WWOX: variants seen among roughly 807,000 people sequenced by gnomAD.
WWOX encodes WW domain containing oxidoreductase, also known as WW domain-containing oxidoreductase.
In WWOX, 69 loss-of-function variants were observed where a neutral mutation model predicts 46.2. The observed-to-expected ratio is 1.49, with a 90% confidence interval of 1.23 to 1.82. The LOEUF is 1.82. Ranked by LOEUF, WWOX falls within the 40% of genes most tolerant of loss-of-function variation. The pLI, the probability that WWOX is intolerant of heterozygous loss-of-function variation, is 0.00. For synonymous variants in WWOX, 359 were observed against 202.6 expected, an observed-to-expected ratio of 1.77 and a Z score of -6.56; for missense variants, 919 against 542.6, an observed-to-expected ratio of 1.69 and a Z score of -6.89.
chr16:79,170,153 C>A (rs2050672500), intron 8 of WWOX, among the ~76,000 whole-genome samples: 1 of 152,164 alleles, frequency 6.6e-6, no homozygotes, highest in Non-Finnish European at 1.5e-5. Context: ...TTCAATAACC[C>A]AGTCTAACCA....
At chr16:78,628,397 C>G (rs1465932404) in intron 8 of WWOX, among the ~76,000 whole-genome samples, 2 of 152,130 alleles carry the variant, frequency 1.3e-5, no homozygotes, top group African/African-American at 4.8e-5. Context: ...TTCTGATTTA[C>G]TAGGTCTGGG....
chr16:78,919,519 GTTTTGT>G (rs2045328504), intron 8 of WWOX, among the ~76,000 whole-genome samples: 2 of 67,250 alleles, frequency 3.0e-5, no homozygotes, highest in Non-Finnish European at 2.9e-5. Flanking sequence ...TTATCTTTTT[GTTTTGT>G]TTTTTTTTTT....
chr16:78,666,382 C>G (rs762319235), intron 8 of WWOX, among the ~76,000 whole-genome samples: 23 of 152,128 alleles, frequency 1.5e-4, no homozygotes, highest in Non-Finnish European at 3.4e-4. Flanking sequence ...ATCGGCATGC[C>G]TAGAGGGATC....
At chr16:78,698,326 T>C (rs1255644533) in intron 8 of WWOX, among the ~76,000 whole-genome samples, 6 of 152,182 alleles carry the variant, frequency 3.9e-5, no homozygotes, top group African/African-American at 1.4e-4. Flanking sequence ...AGATGAGAGA[T>C]ACAGATGGTT....
intron 5 of WWOX, among the ~76,000 whole-genome samples, chr16:78,336,262 C>G (rs2080885157): frequency 6.8e-6 from 1 of 147,396 alleles, no homozygotes; most frequent in Non-Finnish European, 1.5e-5. Context: ...CACCTGAAGT[C>G]AAGAATTCAA....
chr16:78,946,370 T>C (rs1275879741), intron 8 of WWOX, among the ~76,000 whole-genome samples: 6 of 152,100 alleles, frequency 3.9e-5, no homozygotes, highest in Non-Finnish European at 1.5e-5. Context: ...TTTGTATTTT[T>C]AGTAGAGACG....
intron 8 of WWOX, among the ~76,000 whole-genome samples, chr16:78,532,218 G>C (rs1207755220): frequency 6.6e-6 from 1 of 151,958 alleles, no homozygotes; most frequent in Non-Finnish European, 1.5e-5. Flanking sequence ...TTTTAATATT[G>C]GTATCACTTT....
intron 8 of WWOX, among the ~76,000 whole-genome samples, chr16:78,945,821 T>C (rs1035064420): frequency 6.6e-6 from 1 of 152,190 alleles, no homozygotes; most frequent in African/African-American, 2.4e-5. Context: ...TTAGTTCGTA[T>C]GGGTTGAGCA....
chr16:79,127,113 T>C (rs939863696), intron 8 of WWOX, among the ~76,000 whole-genome samples: 5 of 152,028 alleles, frequency 3.3e-5, no homozygotes, highest in Non-Finnish European at 5.9e-5. Flanking sequence ...GGTTCAAAAA[T>C]CAAAAGTAGA....
intron 5 of WWOX, among the ~76,000 whole-genome samples, chr16:78,310,200 G>T (rs2080213436): frequency 6.6e-6 from 1 of 152,002 alleles, no homozygotes; most frequent in African/African-American, 2.4e-5. Flanking sequence ...CATTTATTGT[G>T]TTTCCTTCTA....
chr16:79,165,597 A>G (rs1261718623), intron 8 of WWOX, among the ~76,000 whole-genome samples: 2 of 152,168 alleles, frequency 1.3e-5, no homozygotes, highest in Non-Finnish European at 2.9e-5. Flanking sequence ...TTGCTAGTTC[A>G]GAGGCAGTGA....
At chr16:79,084,234 A>C (rs1367373081) in intron 8 of WWOX, among the ~76,000 whole-genome samples, 1 of 152,168 alleles carries the variant, frequency 6.6e-6, no homozygotes, top group Admixed American at 6.5e-5. Context: ...TCTTGTTCCT[A>C]GTGAAGAGGT....
intron 6 of WWOX, among the ~76,000 whole-genome samples, chr16:78,414,528 C>G (rs2082754856): frequency 6.6e-6 from 1 of 152,210 alleles, no homozygotes; most frequent in Admixed American, 6.5e-5. Flanking sequence ...AATTGCGCCA[C>G]TGCACTCCAG....
At chr16:78,304,253 A>G (rs1305471221) in intron 5 of WWOX, among the ~76,000 whole-genome samples, 5 of 152,248 alleles carry the variant, frequency 3.3e-5, no homozygotes, top group African/African-American at 1.2e-4. Context: ...TTTCTAATGC[A>G]TAGGCCTTTA....
intron 8 of WWOX, among the ~76,000 whole-genome samples, chr16:79,105,624 T>C (rs1286476755): frequency 6.6e-6 from 1 of 152,188 alleles, no homozygotes; most frequent in Non-Finnish European, 1.5e-5. Context: ...TATAATCTGC[T>C]TTCTTTTGTT....
At chr16:78,502,830 A>T (rs1453806921) in intron 8 of WWOX, among the ~76,000 whole-genome samples, 1 of 152,160 alleles carries the variant, frequency 6.6e-6, no homozygotes, top group East Asian at 1.9e-4. Flanking sequence ...TGCTCTACTT[A>T]CAGTATGACT....
chr16:78,877,789 A>C (rs1434143287), intron 8 of WWOX, among the ~76,000 whole-genome samples: 3 of 152,172 alleles, frequency 2.0e-5, no homozygotes, highest in African/African-American at 7.2e-5. Context: ...ATGAATCTAG[A>C]AATATCCTTG....
At chr16:78,813,394 A>G (rs2051246228) in intron 8 of WWOX, among the ~76,000 whole-genome samples, 1 of 152,062 alleles carries the variant, frequency 6.6e-6, no homozygotes, top group Non-Finnish European at 1.5e-5. Context: ...GATTAATAAC[A>G]TTTTTGTCAG....
At chr16:78,863,217 C>G (rs1327574417) in intron 8 of WWOX, among the ~76,000 whole-genome samples, 2 of 152,150 alleles carry the variant, frequency 1.3e-5, no homozygotes, top group Non-Finnish European at 2.9e-5. Context: ...CTTGGCCTCC[C>G]AAAGTGCTAG....
Sources: allele counts gnomAD v4.1 joint callset (sites outside exome capture counted in the v4.1 genomes callset), GRCh38; gene constraint gnomAD v4.1.1; transcripts MANE v1.5; gene names NCBI Gene and HGNC (gene_info 2026-07-23, HGNC 2026-07-21).